Variants in NBEA observed in about 807,000 individuals in gnomAD.
NBEA encodes lysosomal-trafficking regulator 2.
Under a neutral mutation model 343.4 loss-of-function variants are expected in NBEA, and 44 were observed. That is an observed-to-expected ratio of 0.13 (90% confidence interval 0.10 to 0.16). NBEA has a LOEUF of 0.16. Ranked by LOEUF, NBEA falls within the 10% of genes least tolerant of loss-of-function variation. The probability of loss-of-function intolerance (pLI) is 1.00; values close to 1 mark genes in which losing one functional copy is unlikely to be tolerated. For missense variants in NBEA, 2,555 were observed against 3,631.3 expected (o/e 0.70, Z 7.62); for synonymous variants, 1,175 against 1,238.7 (o/e 0.95, Z 1.08).
intron 18 of NBEA, among the ~76,000 whole-genome samples, chr13:35,155,132 TAAAAAA>T (rs753159286): frequency 1.6e-5 from 1 of 61,862 alleles, no homozygotes; most frequent in African/African-American, 6.4e-5. Flanking sequence ...ATTCTGTCTC[TAAAAAA>T]AAAAAAAAAA....
Position 35,524,269 on chromosome 13 carries a change from C to T in NBEA, c.6586-26208C>T, listed in dbSNP as rs548248897. On this transcript the variant is annotated intron_variant, in intron 41 of 58. Transcript: ENST00000379939. ...AAGAAAAAGATTCATCCTCTCTTTTCGAGTATGTTTCAAAACACCAAGTCA... is the reference window on the plus strand; with the variant it reads ...AAGAAAAAGATTCATCCTCTCTTTTTGAGTATGTTTCAAAACACCAAGTCA... Among the ~76,000 whole-genome samples, 5 of 152,290 alleles carry T rather than the reference C, an allele frequency of 3.3e-5. 1 individual carries two copies. Among genetic ancestry groups the T allele is most frequent in the East Asian group, 1.9e-4 (1 of 5,186 alleles).
chr13:35,405,250 G>A (rs1461970), intron 38 of NBEA, among the ~76,000 whole-genome samples: 82,981 of 151,948 alleles, frequency 0.55, 24,709 homozygotes, highest in South Asian at 0.68. Flanking sequence ...TAGGAAAAGA[G>A]CATTATAAGA....
chr13:34,951,321 T>C (rs1305820153), intron 1 of NBEA, among the ~76,000 whole-genome samples: 1 of 152,252 alleles, frequency 6.6e-6, no homozygotes, highest in Non-Finnish European at 1.5e-5. Flanking sequence ...TCTTTGTGTG[T>C]AAAATGGGAT....
chr13:35,512,239 G>T (rs2077303760), intron 41 of NBEA, among the ~76,000 whole-genome samples: 1 of 152,158 alleles, frequency 6.6e-6, no homozygotes. Context: ...TTGGCTGCAT[G>T]AAACAGTATT....
intron 41 of NBEA, among the ~76,000 whole-genome samples, chr13:35,546,057 C>CAA (rs56000361): frequency 5.3e-5 from 8 of 151,334 alleles, no homozygotes; most frequent in African/African-American, 1.9e-4. Context: ...ATTAAACAAA[C>CAA]ATATATGGAG....
chr13:35,331,329 C>T (rs977842999), intron 36 of NBEA, among the ~76,000 whole-genome samples: 4 of 151,650 alleles, frequency 2.6e-5, no homozygotes, highest in Admixed American at 2.6e-4. Context: ...ACAGTTTGGG[C>T]ATGCACTCTT....
chr13:35,109,506 T>C lies in NBEA; in HGVS notation c.1833+64T>C. On this transcript the variant is annotated intron_variant, in intron 12 of 58. Coordinates refer to ENST00000379939, the MANE Select transcript of NBEA (RefSeq NM_001385012.1). ...TGTTATACATTATAGTTGCTGGATCTATAGTATTCAGTGGAAAACATTTGA... is the reference window on the plus strand; with the variant it reads ...TGTTATACATTATAGTTGCTGGATCCATAGTATTCAGTGGAAAACATTTGA... 2.2e-6 allele frequency: 3 copies of C among 1,368,802 alleles called. No individual in the cohort carries two copies. The South Asian group carries it at 5.3e-5, about 24-fold the overall frequency. The allele number at this position is 1,368,802 out of a possible 1,614,324, so 84.8% of individuals were successfully genotyped here.
intron 11 of NBEA, among the ~76,000 whole-genome samples, chr13:35,098,915 C>G (rs1308505229): frequency 6.6e-6 from 1 of 151,994 alleles, no homozygotes; most frequent in Non-Finnish European, 1.5e-5. Context: ...GTAGCTATCT[C>G]AGTTCTCGGA....
intron 34 of NBEA, among the ~76,000 whole-genome samples, chr13:35,276,616 G>A (rs1032699238): frequency 2.0e-5 from 3 of 152,246 alleles, no homozygotes; most frequent in East Asian, 3.9e-4. Context: ...TACTCTCTGG[G>A]ATACTAATGC....
At chr13:35,445,538 C>A (rs540571923) in intron 39 of NBEA, among the ~76,000 whole-genome samples, 1 of 151,470 alleles carries the variant, frequency 6.6e-6, no homozygotes, top group Non-Finnish European at 1.5e-5. Context: ...TTATGAATGG[C>A]AAATCAAATA....
intron 38 of NBEA, among the ~76,000 whole-genome samples, chr13:35,395,648 A>T (rs2042710140): frequency 6.6e-6 from 1 of 152,174 alleles, no homozygotes; most frequent in African/African-American, 2.4e-5. Context: ...CTATAAATTT[A>T]AATTAGGTCA....
intron 34 of NBEA, among the ~76,000 whole-genome samples, chr13:35,268,946 A>G (rs1454366863): frequency 6.6e-6 from 1 of 152,112 alleles, no homozygotes; most frequent in Non-Finnish European, 1.5e-5. Context: ...TGAAGGTGAG[A>G]TAAAGACTTT....
At chr13:35,308,472 A>ATATATGTGTATATATATG (rs1566597095) in intron 35 of NBEA, among the ~76,000 whole-genome samples, 7 of 98,454 alleles carry the variant, frequency 7.1e-5, no homozygotes, top group Non-Finnish European at 1.4e-4. Flanking sequence ...ATATATATAT[A>ATATATGTGTATATATATG]TGTATATATA....
intron 38 of NBEA, among the ~76,000 whole-genome samples, chr13:35,396,650 A>G (rs1480828334): frequency 6.6e-6 from 1 of 152,072 alleles, no homozygotes; most frequent in Non-Finnish European, 1.5e-5. Flanking sequence ...GAAATGGGTA[A>G]CTCACCAATT....
intron 45 of NBEA, 109 bp from the exon 46 acceptor site, chr13:35,583,789 G>T (rs1040771345): frequency 6.6e-6 from 5 of 759,442 alleles, no homozygotes; most frequent in Admixed American, 5.8e-5. Flanking sequence ...ATGTATTTAT[G>T]CTGTATGGCT....
At chr13:35,117,566 A>T (rs549312944) in intron 14 of NBEA, 73 bp downstream of exon 14, 4 of 672,018 alleles carry the variant, frequency 6.0e-6, no homozygotes, top group Non-Finnish European at 8.4e-6. Context: ...TTTTAAAATT[A>T]TTAAATTAGT....
chr13:35,010,743 T>A (rs9542953), intron 1 of NBEA, among the ~76,000 whole-genome samples: 2,763 of 18,850 alleles, frequency 0.15, 376 homozygotes, highest in East Asian at 0.5. Flanking sequence ...AAAAAAAAAA[T>A]ATATATATAT....
At chr13:35,668,267 G>A in intron 57 of NBEA, 101 bp from the exon 58 acceptor site, 1 of 1,147,192 alleles carries the variant, frequency 8.7e-7, no homozygotes, top group Non-Finnish European at 1.2e-6. Flanking sequence ...GTACTTTTCA[G>A]TAGTGACAGT....
intron 56 of NBEA, among the ~76,000 whole-genome samples, chr13:35,667,125 C>T (rs530650503): frequency 2.0e-4 from 31 of 152,262 alleles, no homozygotes; most frequent in African/African-American, 7.0e-4. Context: ...TGAATATTAC[C>T]TGACAAAGGA....
Sources: gnomAD v4.1 joint callset for allele counts (sites outside exome capture counted in the v4.1 genomes callset) on GRCh38, gnomAD v4.1.1 for gene constraint, MANE v1.5 for transcripts, NCBI Gene and HGNC (gene_info 2026-07-23, HGNC 2026-07-21) for gene names.